Variants in TSPAN12 observed in about 807,000 individuals in gnomAD.
TSPAN12 encodes tetraspanin 12.
In TSPAN12, 19 loss-of-function variants were observed where a neutral mutation model predicts 39.2. That is an observed-to-expected ratio of 0.49 (90% CI 0.34 to 0.71). The LOEUF (loss-of-function observed/expected upper bound fraction) is 0.71. Ranked by LOEUF, TSPAN12 falls within the 30% of genes least tolerant of loss-of-function variation. The pLI is 0.01. For synonymous variants in TSPAN12, 119 were observed against 124.8 expected (o/e 0.95, Z 0.31); for missense variants, 314 against 359.9 (o/e 0.87, Z 1.03).
chr7:120,814,092 G>C, intron 5 of TSPAN12: 1 of 404,338 alleles, frequency 2.5e-6, no homozygotes, highest in South Asian at 1.9e-5. Context: ...ATGTAAATTG[G>C]AGTGTGCAGA....
intron 4 of TSPAN12, among the ~76,000 whole-genome samples, chr7:120,838,087 T>C (rs978646717): frequency 3.4e-4 from 52 of 152,372 alleles, no homozygotes; most frequent in African/African-American, 1.2e-3. Context: ...TGCAACTATA[T>C]GTTAGTAATC....
chr7:120,830,228 G>A (rs1437309438), intron 4 of TSPAN12, among the ~76,000 whole-genome samples: 1 of 152,028 alleles, frequency 6.6e-6, no homozygotes, highest in Non-Finnish European at 1.5e-5. Flanking sequence ...ACTATCCAAA[G>A]TGACCTACAA....
chr7:120,856,376 A>T (rs753063465), intron 2 of TSPAN12, among the ~76,000 whole-genome samples: 7 of 152,214 alleles, frequency 4.6e-5, no homozygotes, highest in Non-Finnish European at 1.0e-4. Context: ...TCCCGCAAAC[A>T]AGCAGTTCCC....
intron 4 of TSPAN12, among the ~76,000 whole-genome samples, chr7:120,835,470 T>C (rs970895730): frequency 6.6e-6 from 1 of 152,168 alleles, no homozygotes; most frequent in Non-Finnish European, 1.5e-5. Flanking sequence ...AATGGCAAAA[T>C]TGTTACAAAT....
intron 7 of TSPAN12, among the ~76,000 whole-genome samples, chr7:120,797,817 C>T (rs940722006): frequency 6.6e-6 from 1 of 152,284 alleles, no homozygotes; most frequent in East Asian, 1.9e-4. Flanking sequence ...ATATTAAATG[C>T]CACAACCTGA....
chr7:120,823,493 C>A (rs1584939392), intron 4 of TSPAN12, among the ~76,000 whole-genome samples: 1 of 152,088 alleles, frequency 6.6e-6, no homozygotes, highest in African/African-American at 2.4e-5. Context: ...TTATCAGACC[C>A]AGCTGTAAAC....
At chr7:120,822,204 G>A (rs1794200386) in intron 4 of TSPAN12, among the ~76,000 whole-genome samples, 3 of 151,952 alleles carry the variant, frequency 2.0e-5, no homozygotes, top group South Asian at 2.1e-4. Context: ...GAAACAAAGA[G>A]GATTAATTCC....
chr7:120,798,791 C>T (rs1195839384), intron 7 of TSPAN12, among the ~76,000 whole-genome samples: 2 of 152,108 alleles, frequency 1.3e-5, no homozygotes, highest in Non-Finnish European at 2.9e-5. Context: ...CTAACTTTGC[C>T]CCATTATTTC....
chr7:120,793,864 G>T (rs1793580298), intron 7 of TSPAN12, among the ~76,000 whole-genome samples: 1 of 152,180 alleles, frequency 6.6e-6, no homozygotes, highest in Non-Finnish European at 1.5e-5. Context: ...TGATATTGAA[G>T]ATATTTTTTC....
intron 2 of TSPAN12, among the ~76,000 whole-genome samples, chr7:120,852,690 A>G (rs1176297826): frequency 1.3e-5 from 2 of 152,200 alleles, no homozygotes; most frequent in Non-Finnish European, 2.9e-5. Flanking sequence ...CTTCCTTCTG[A>G]GGATGTTTAC....
In TSPAN12 at chr7:120,852,570, A is replaced by G. The variant is rs543104861; in HGVS notation, c.66+4128T>C. Among the ~76,000 whole-genome samples, 3 of 152,330 alleles carry G rather than the reference A, an allele frequency of 2.0e-5. No individual in the cohort carries two copies. The South Asian group carries it at 6.2e-4, about 32-fold the overall frequency. ...TGCACTCTCAGATAGAACGCACAAC[A>G]TACTAAATCCAAATCTGCATTTTAA... On this transcript the variant is annotated intron_variant, in intron 2 of 7. Transcript: ENST00000222747.
chr7:120,822,718 A>G (rs1471832003), intron 4 of TSPAN12, among the ~76,000 whole-genome samples: 1 of 152,074 alleles, frequency 6.6e-6, no homozygotes, highest in African/African-American at 2.4e-5. Flanking sequence ...TCCCCCAAAC[A>G]CAGGCCCCTC....
At chr7:120,858,216 C>T (rs1318680021), upstream of TSPAN12, 1 of 152,212 alleles carries the variant, frequency 6.6e-6, no homozygotes, top group Admixed American at 6.5e-5. Context: ...AGCGAGAGTC[C>T]CCAAAGGGAC....
At chr7:120,832,323 A>G (rs552747032) in intron 4 of TSPAN12, among the ~76,000 whole-genome samples, 1 of 152,134 alleles carries the variant, frequency 6.6e-6, no homozygotes, top group Non-Finnish European at 1.5e-5. Flanking sequence ...TACAGCCCAA[A>G]GAATAACATC....
chr7:120,838,051 GAATT>G (rs1297003114), intron 4 of TSPAN12, among the ~76,000 whole-genome samples: 2 of 152,134 alleles, frequency 1.3e-5, no homozygotes, highest in Non-Finnish European at 2.9e-5. Flanking sequence ...TATACTCAAT[GAATT>G]AATTTTTCAG....
rs749678897 is a variant in TSPAN12, at chr7:120,806,604, AATTCTCT to A, written c.550_556del (p.Arg184SerfsTer29). 1 of 1,613,566 alleles carries A rather than the reference AATTCTCT, an allele frequency of 6.2e-7. No homozygotes were observed. Among genetic ancestry groups the A allele is most frequent in the Admixed American group, 1.7e-5 (1 of 59,936 alleles). Reference sequence around the variant, plus strand: ...GTGGGCCTGTTTGGAACATCCTGGGAATTCTCTAACACAGCAGGAATCTGGGGGCCAG... The same window carrying A: ...GTGGGCCTGTTTGGAACATCCTGGGAAACACAGCAGGAATCTGGGGGCCAG... On this transcript the variant is annotated frameshift_variant, in exon 7 of 8. Transcript: ENST00000222747. LOFTEE classifies it high-confidence loss of function.
chr7:120,796,446 T>TA (rs1793631389), intron 7 of TSPAN12, among the ~76,000 whole-genome samples: 1 of 152,222 alleles, frequency 6.6e-6, no homozygotes, highest in African/African-American at 2.4e-5. Flanking sequence ...GTAAATACCT[T>TA]AAAAAATTGT....
intron 7 of TSPAN12, among the ~76,000 whole-genome samples, chr7:120,792,668 C>T (rs954606658): frequency 2.0e-5 from 3 of 152,194 alleles, no homozygotes; most frequent in African/African-American, 7.2e-5. Flanking sequence ...GACCACTAAG[C>T]TAACTGAGTA....
chr7:120,857,011 A>G (rs1202401714), intron 1 of TSPAN12, 178 bp from the exon 2 acceptor site: 4 of 578,896 alleles, frequency 6.9e-6, no homozygotes, highest in African/African-American at 3.7e-5. Context: ...TAAACTCCCA[A>G]AAGTTCCAAA....
Sources: gnomAD v4.1 joint callset for allele counts (sites outside exome capture counted in the v4.1 genomes callset) on GRCh38, gnomAD v4.1.1 for gene constraint, MANE v1.5 for transcripts, NCBI Gene and HGNC (gene_info 2026-07-23, HGNC 2026-07-21) for gene names.